Variants in DLC1 observed in about 807,000 individuals in gnomAD.
The protein encoded by DLC1 is rho GTPase-activating protein 7.
In DLC1, 54 loss-of-function variants were observed where a neutral mutation model predicts 140.3. The ratio of observed to expected loss-of-function variants is 0.38; its 90% CI spans 0.31 to 0.48. The LOEUF (loss-of-function observed/expected upper bound fraction) is 0.48, where lower values mean the gene tolerates loss of function less well. Among genes scored for constraint, DLC1 ranks in the 20% least tolerant of loss-of-function variants. The pLI, the probability that DLC1 is intolerant of heterozygous loss-of-function variation, is 0.96. For synonymous variants in DLC1, 986 were observed against 728.1 expected, an observed-to-expected ratio of 1.35 and a Z score of -5.70; for missense variants, 2,536 against 1,907.0, an observed-to-expected ratio of 1.33 and a Z score of -6.14.
chr8:13,567,740 A>G (rs536934802), intron 1 of DLC1: 1 of 1,552,086 alleles, frequency 6.4e-7, no homozygotes, highest in African/African-American at 1.4e-5. Context: ...GCACATCAAG[A>G]CTTTCCCAGG....
intron 10 of DLC1, among the ~76,000 whole-genome samples, chr8:13,096,992 T>G (rs1327577882): frequency 6.6e-6 from 1 of 152,166 alleles, no homozygotes; most frequent in African/African-American, 2.4e-5. Flanking sequence ...AAAATTAAGA[T>G]GTACCCAGAT....
rs1491226520 is a variant in DLC1 at position 13,405,917 on chromosome 8, T to TTTTCTTTTCTTTCTTTCTTTC, written c.1024-4299_1024-4298insGAAAGAAAGAAAGAAAAGAAA. On this transcript the variant is annotated intron_variant, in intron 2 of 17. Transcript: ENST00000276297. ...TCTTTCTTTTTCTTTCTTTCTTTTC[T>TTTTCTTTTCTTTCTTTCTTTC]TTTCTTTCTTTCTTTCTTTCTTTCT... Among the ~76,000 whole-genome samples, 4 of 84,904 alleles carry TTTTCTTTTCTTTCTTTCTTTC rather than the reference T, an allele frequency of 4.7e-5. No individual in the cohort carries two copies. The Admixed American group carries it at 5.9e-4, about 13-fold the overall frequency. The allele number at this position is 84,904 out of a possible 152,430, so 55.7% of individuals were successfully genotyped here.
chr8:13,512,252 C>T lies in DLC1; in HGVS notation c.-126+2350G>A, dbSNP rs917014540. ...TCATGAAAATGGAAAAAAAAAGTAT[C>T]GTGACACATTCTCTCTAAGGAAATG... is the stretch of plus-strand genomic sequence containing the variant. On this transcript the variant is annotated intron_variant, in intron 1 of 17. Transcript: ENST00000276297. Among the ~76,000 whole-genome samples the T allele has an allele frequency of 9.2e-5, 14 of 152,074 alleles. No individual in the cohort carries two copies. The East Asian group carries it at 9.6e-4, about 10-fold the overall frequency.
At chr8:13,196,873 G>A (rs1417200774) in intron 5 of DLC1, among the ~76,000 whole-genome samples, 1 of 152,198 alleles carries the variant, frequency 6.6e-6, no homozygotes, top group African/African-American at 2.4e-5. Flanking sequence ...CTACAGTGGG[G>A]TGTGAATTTG....
At chr8:13,428,886 G>T (rs901078575) in intron 2 of DLC1, among the ~76,000 whole-genome samples, 1 of 152,178 alleles carries the variant, frequency 6.6e-6, no homozygotes, top group Non-Finnish European at 1.5e-5. Flanking sequence ...TTATAGAAGA[G>T]ACCTAAGTAG....
chr8:13,162,468 G>A (rs147207279), intron 5 of DLC1, among the ~76,000 whole-genome samples: 1 of 152,110 alleles, frequency 6.6e-6, no homozygotes, highest in South Asian at 2.1e-4. Context: ...GATTACAGGT[G>A]CCTGCCACCA....
At chr8:13,436,269 G>C (rs887689331) in intron 2 of DLC1, among the ~76,000 whole-genome samples, 1 of 152,150 alleles carries the variant, frequency 6.6e-6, no homozygotes, top group Non-Finnish European at 1.5e-5. Flanking sequence ...AACACGTTTT[G>C]CTGTGTAGAG....
At chr8:13,091,262 T>C in intron 14 of DLC1, 56 bp downstream of exon 14, 1 of 1,571,096 alleles carries the variant, frequency 6.4e-7, no homozygotes, top group Non-Finnish European at 8.7e-7. Flanking sequence ...AAGCCTAAGA[T>C]TTTGTACCTA....
At chr8:13,484,318 T>C (rs975243849) in intron 2 of DLC1, among the ~76,000 whole-genome samples, 7 of 152,210 alleles carry the variant, frequency 4.6e-5, no homozygotes, top group Non-Finnish European at 1.0e-4. Flanking sequence ...TTTACAGTGT[T>C]TCTAAAGTGA....
intron 2 of DLC1, among the ~76,000 whole-genome samples, chr8:13,435,712 A>G (rs1839089972): frequency 6.6e-6 from 1 of 152,250 alleles, no homozygotes; most frequent in South Asian, 2.1e-4. Context: ...GACAACAAAG[A>G]ACTTTGAATA....
At chr8:13,492,575 T>C (rs539850504) in intron 2 of DLC1, among the ~76,000 whole-genome samples, 1 of 151,592 alleles carries the variant, frequency 6.6e-6, no homozygotes, top group East Asian at 2.0e-4. Flanking sequence ...GCCAGCCTTA[T>C]ACGTCATTCA....
intron 2 of DLC1, among the ~76,000 whole-genome samples, chr8:13,421,660 T>G (rs971397312): frequency 6.6e-6 from 1 of 152,152 alleles, no homozygotes; most frequent in Non-Finnish European, 1.5e-5. Context: ...GGTATAATAT[T>G]TCTGAGGGAA....
chr8:13,450,739 C>G (rs921205249), intron 2 of DLC1, among the ~76,000 whole-genome samples: 1 of 151,598 alleles, frequency 6.6e-6, no homozygotes, highest in Admixed American at 6.6e-5. Context: ...AATTGTCATC[C>G]CAATGAAAAT....
At chr8:13,367,836 T>A (rs1835558274) in intron 4 of DLC1, among the ~76,000 whole-genome samples, 1 of 152,152 alleles carries the variant, frequency 6.6e-6, no homozygotes, top group African/African-American at 2.4e-5. Context: ...AAGAGATTCT[T>A]CAAGTTACAT....
intron 1 of DLC1, among the ~76,000 whole-genome samples, chr8:13,571,186 C>CT (rs987876027): frequency 1.3e-4 from 20 of 151,942 alleles, no homozygotes; most frequent in Non-Finnish European, 2.5e-4. Flanking sequence ...CAGCACCTTG[C>CT]TTTTTTTTCC....
At chr8:13,390,296 C>G (rs894620919) in intron 4 of DLC1, among the ~76,000 whole-genome samples, 1 of 152,172 alleles carries the variant, frequency 6.6e-6, no homozygotes, top group Non-Finnish European at 1.5e-5. Context: ...AGGACATGGT[C>G]TCATTCCTTT....
intron 1 of DLC1, among the ~76,000 whole-genome samples, chr8:13,582,644 C>T (rs141588903): frequency 1.3e-5 from 2 of 151,746 alleles, no homozygotes; most frequent in East Asian, 3.9e-4. Context: ...CGGCCTATTG[C>T]GGGATCTTGT....
At chr8:13,373,599 A>T (rs899075243) in intron 4 of DLC1, among the ~76,000 whole-genome samples, 2 of 152,200 alleles carry the variant, frequency 1.3e-5, no homozygotes, top group African/African-American at 4.8e-5. Context: ...TGCAAATAAC[A>T]TTATTTAAAA....
At chr8:13,310,967 A>C (rs992247063) in intron 4 of DLC1, among the ~76,000 whole-genome samples, 4 of 152,218 alleles carry the variant, frequency 2.6e-5, no homozygotes, top group African/African-American at 9.6e-5. Flanking sequence ...AATTTAATAA[A>C]ATCAAATTTA....
Sources: gnomAD v4.1 joint callset for allele counts (sites outside exome capture counted in the v4.1 genomes callset) on GRCh38, gnomAD v4.1.1 for gene constraint, MANE v1.5 for transcripts, NCBI Gene and HGNC (gene_info 2026-07-23, HGNC 2026-07-21) for gene names.